Variants in KNDC1 observed in about 807,000 individuals in gnomAD.
KNDC1 encodes the protein kinase non-catalytic C-lobe domain containing 1.
In KNDC1, 106 loss-of-function variants were observed where a neutral mutation model predicts 172.8. The ratio of observed to expected loss-of-function variants is 0.61; its 90% CI spans 0.52 to 0.72. The LOEUF (loss-of-function observed/expected upper bound fraction) is 0.72, where lower values mean the gene tolerates loss of function less well. Ranked by LOEUF, KNDC1 falls within the 30% of genes least tolerant of loss-of-function variation. The probability of loss-of-function intolerance (pLI) is 0.00; values close to 1 mark genes in which losing one functional copy is unlikely to be tolerated. For synonymous variants in KNDC1, 1,083 were observed against 1,062.2 expected (o/e 1.02, Z -0.38); for missense variants, 2,325 against 2,394.5 (o/e 0.97, Z 0.61).
intron 1 of KNDC1, among the ~76,000 whole-genome samples, chr10:133,162,149 C>A (rs978519369): frequency 1.3e-5 from 2 of 152,188 alleles, no homozygotes; most frequent in Admixed American, 6.5e-5. Flanking sequence ...GTGGGCCCTT[C>A]GCAGACACTC....
chr10:133,191,196 G>C (rs763620523), intron 9 of KNDC1, among the ~76,000 whole-genome samples: 1 of 150,090 alleles, frequency 6.7e-6, no homozygotes, highest in East Asian at 1.9e-4. Context: ...AAAATTAGCC[G>C]GGTGTGGTGG....
rs1045503166 is a variant in KNDC1 at position 133,214,213 on chromosome 10, C to G, written c.4677+91C>G. 3 of 1,412,002 alleles carry G rather than the reference C, an allele frequency of 2.1e-6. No individual in the cohort carries two copies. The African/African-American group carries it at 4.3e-5, about 20-fold the overall frequency. The allele number at this position is 1,412,002 out of a possible 1,614,324, so 87.5% of individuals were successfully genotyped here. On this transcript the variant is annotated intron_variant, in intron 26 of 29. Transcript: ENST00000304613. ...CCTCCTATAAGGCCGTGGCCTGAAC[C>G]CTCTCCCAATGCAGTGAACCCAACT...
chr10:133,196,037 A>G (rs1245359998), intron 10 of KNDC1, among the ~76,000 whole-genome samples: 1 of 152,220 alleles, frequency 6.6e-6, no homozygotes, highest in Non-Finnish European at 1.5e-5. Flanking sequence ...GTGGGTGGAC[A>G]GCATGGGGGT....
chr10:133,161,168 C>T (rs1292515521), intron 1 of KNDC1, among the ~76,000 whole-genome samples: 1 of 152,212 alleles, frequency 6.6e-6, no homozygotes, highest in East Asian at 1.9e-4. Context: ...GCTGCCCAGA[C>T]GCCACCTTGG....
chr10:133,175,272 G>T (rs1450588318), intron 3 of KNDC1, among the ~76,000 whole-genome samples: 1 of 147,464 alleles, frequency 6.8e-6, no homozygotes, highest in African/African-American at 2.5e-5. Context: ...GGTGGATGGT[G>T]GATATGTGGA....
chr10:133,189,155 C>T (rs546791101), intron 7 of KNDC1, among the ~76,000 whole-genome samples: 1 of 152,140 alleles, frequency 6.6e-6, no homozygotes, highest in African/African-American at 2.4e-5. Flanking sequence ...GCATCTGAGA[C>T]GTAAAAACGT....
At chr10:133,194,609 T>C (rs553311855) in intron 9 of KNDC1, among the ~76,000 whole-genome samples, 1 of 152,364 alleles carries the variant, frequency 6.6e-6, no homozygotes, top group African/African-American at 2.4e-5. Flanking sequence ...TTGGCTGTTC[T>C]ATGCTCGTGG....
intron 17 of KNDC1, 78 bp from the exon 18 acceptor site, chr10:133,206,607 T>G: frequency 4.3e-6 from 5 of 1,162,854 alleles, no homozygotes; most frequent in African/African-American, 1.5e-5. Context: ...GAGGCCCCAG[T>G]GGGGTGGGGC....
intron 3 of KNDC1, among the ~76,000 whole-genome samples, chr10:133,177,516 ATG>A (rs577893005): frequency 3.3e-4 from 46 of 139,256 alleles, no homozygotes; most frequent in South Asian, 8.3e-4. Flanking sequence ...CATGTGTGTA[ATG>A]TGTGTGCATG....
At chr10:133,219,920 T>C (rs956082527) in intron 28 of KNDC1, 35 bp from the exon 29 acceptor site, 2 of 1,539,460 alleles carry the variant, frequency 1.3e-6, no homozygotes, top group Non-Finnish European at 1.8e-6. Flanking sequence ...CCACGCCCTG[T>C]CTCTCCCCGG....
rs1364546708 is a variant in KNDC1, at chr10:133,183,379, C to T, written c.396C>T (p.Ala132=). 1.1e-5 allele frequency: 18 copies of T among 1,596,586 alleles called. 1 individual carries two copies. Among genetic ancestry groups the T allele is most frequent in the Middle Eastern group, 3.9e-4 (2 of 5,122 alleles). ...ACTCTCTGGGGGCCACGCTGAAGGC[C>T]GCCCTCGAGTACGTGGCAGAGCCCA... is the stretch of plus-strand genomic sequence containing the variant. ...HIYSLGATLK[A]ALEYVAEPTL... The change falls in exon 4 of 30, where the codon GCC becomes GCT. Residue 132 remains alanine (A), a synonymous_variant. Transcript: ENST00000304613.
At chr10:133,184,435 AC>A (rs1296004663) in intron 5 of KNDC1, among the ~76,000 whole-genome samples, 20 of 152,172 alleles carry the variant, frequency 1.3e-4, no homozygotes, top group Admixed American at 2.0e-4. Context: ...CAGAGATCAC[AC>A]AAACTCACGT....
Position 133,214,097 on chromosome 10 carries a change from A to C in KNDC1, c.4652A>C (p.Glu1551Ala). ...ADDVSTWVAA[E>A]IVTSHTSKLQ... is the part of the protein sequence containing the mutation. ...GACGTCAGCACCTGGGTGGCTGCAG[A>C]GATTGTGACCAGCCACACCTCCAAG... Residue 1551 changes from glutamate to alanine, a missense_variant, in exon 26 of 30, where the codon GAG becomes GCG. Transcript: ENST00000304613. The C allele has an allele frequency of 6.2e-7, 1 of 1,614,074 alleles. No homozygotes were observed. The highest frequency in any genetic ancestry group is 8.5e-7 in the Non-Finnish European group (1 of 1,179,994).
chr10:133,219,123 G>T, intron 28 of KNDC1, 33 bp downstream of exon 28: 6 of 1,602,516 alleles, frequency 3.7e-6, no homozygotes, highest in Non-Finnish European at 5.1e-6. Context: ...GGCGGCTTTG[G>T]TCCCCCGAGG....
At position 133,200,367 on chromosome 10, in the gene KNDC1, G is replaced by A. The variant is rs62623421; in HGVS notation, c.2904-8G>A. The A allele has an allele frequency of 0.07, 110,092 of 1,578,372 alleles. 5,142 individuals are homozygous for A. Among genetic ancestry groups the A allele is most frequent in the African/African-American group, 0.22 (15,963 of 72,620 alleles). On this transcript the variant is annotated splice_region_variant and splice_polypyrimidine_tract_variant and intron_variant, in intron 15 of 29. Transcript: ENST00000304613. ...GAGGTGGGGACTGACCTGCATTCTCGTCGTCAGCACGGCCGAGGAGGCTGG... is the reference window on the plus strand; with the variant it reads ...GAGGTGGGGACTGACCTGCATTCTCATCGTCAGCACGGCCGAGGAGGCTGG...
In KNDC1 at chr10:133,214,936, C is replaced by T. The variant is rs535543868; in HGVS notation, c.4677+814C>T. On this transcript the variant is annotated intron_variant, in intron 26 of 29. Transcript: ENST00000304613. Reference sequence around the variant, plus strand: ...CAGGGTCCACAGCTTCTCAGGAGGCCAGAGTCCCCCAGCCCCAGGGGTCTG... The same window carrying T: ...CAGGGTCCACAGCTTCTCAGGAGGCTAGAGTCCCCCAGCCCCAGGGGTCTG... 3.9e-5 allele frequency among the ~76,000 whole-genome samples: 6 copies of T among 152,330 alleles called. 1 individual carries two copies. The South Asian group carries it at 1.2e-3, about 32-fold the overall frequency.
At chr10:133,179,633 A>T (rs1853657416) in intron 3 of KNDC1, among the ~76,000 whole-genome samples, 1 of 152,160 alleles carries the variant, frequency 6.6e-6, no homozygotes, top group Non-Finnish European at 1.5e-5. Flanking sequence ...TTGCTCAGGA[A>T]TCGCATCTCG....
intron 22 of KNDC1, 23 bp downstream of exon 22, chr10:133,211,592 C>T: frequency 6.2e-7 from 1 of 1,606,112 alleles, no homozygotes; most frequent in Non-Finnish European, 8.5e-7. Flanking sequence ...CTGAGCTGGG[C>T]GGCCGCACCC....
At chr10:133,210,986 G>A (rs565675609) in intron 21 of KNDC1, among the ~76,000 whole-genome samples, 1 of 152,262 alleles carries the variant, frequency 6.6e-6, no homozygotes, top group African/African-American at 2.4e-5. Flanking sequence ...GTCTCTTCCT[G>A]CTGACCTGGG....
Sources: allele counts gnomAD v4.1 joint callset (sites outside exome capture counted in the v4.1 genomes callset), GRCh38; gene constraint gnomAD v4.1.1; transcripts MANE v1.5; gene names NCBI Gene and HGNC (gene_info 2026-07-23, HGNC 2026-07-21).